The following ARHGAP39 variants were observed in gnomAD, a reference collection of about 807,000 sequenced individuals.
ARHGAP39 encodes rho GTPase-activating protein 39.
A neutral mutation model predicts 106.9 loss-of-function variants in ARHGAP39; 44 were observed. The observed-to-expected ratio is 0.41, with a 90% CI of 0.32 to 0.53. ARHGAP39 has a LOEUF of 0.53. Among genes scored for constraint, ARHGAP39 ranks in the 20% least tolerant of loss-of-function variants. ARHGAP39 has a pLI of 0.21. For synonymous variants in ARHGAP39, 768 were observed against 693.2 expected (o/e 1.11, Z -1.69); for missense variants, 1,496 against 1,577.3 (o/e 0.95, Z 0.87).
intron 3 of ARHGAP39, among the ~76,000 whole-genome samples, chr8:144,567,120 T>C (rs1230207950): frequency 6.6e-6 from 1 of 152,184 alleles, no homozygotes; most frequent in Non-Finnish European, 1.5e-5. Context: ...TGTTCCAGTA[T>C]GATAAAATAT....
chr8:144,577,770 C>T (rs1302127556), intron 3 of ARHGAP39, among the ~76,000 whole-genome samples: 1 of 152,148 alleles, frequency 6.6e-6, no homozygotes, highest in African/African-American at 2.4e-5. Context: ...ATTCCACTTA[C>T]AACAGCATCA....
rs755843724 is a variant in ARHGAP39 at position 144,547,874 on chromosome 8, C to T, written c.1212G>A (p.Ala404=). 1.3e-6 allele frequency: 2 copies of T among 1,584,810 alleles called. No individual in the cohort carries two copies. The highest frequency in any genetic ancestry group is 1.1e-5 in the South Asian group (1 of 87,940). ...YVRQLVYVEQ[A]GSSPKLRAGP... is the part of the protein sequence containing the mutation. ...CGGCGCGCAGCTTGGGGCTGGAGCC[C>T]GCCTGCTCCACGTAGACCAGCTGCC... Residue 404 remains alanine, a synonymous_variant, in exon 5 of 12, where the codon GCG becomes GCA. Coordinates refer to ENST00000377307, the MANE Select transcript of ARHGAP39 (RefSeq NM_025251.3). This position sits in a 1 kb window ranked among gnomAD's most constrained non-coding sequence, Gnocchi z 5.2.
intron 1 of ARHGAP39, among the ~76,000 whole-genome samples, chr8:144,662,746 A>T (rs1216602751): frequency 1.7e-5 from 2 of 120,612 alleles, no homozygotes; most frequent in Middle Eastern, 7.2e-3. Flanking sequence ...CACCTTGGCC[A>T]GCTCCCTCCT....
intron 2 of ARHGAP39, among the ~76,000 whole-genome samples, chr8:144,589,037 C>T (rs1819289967): frequency 6.6e-6 from 1 of 152,158 alleles, no homozygotes; most frequent in South Asian, 2.1e-4. Context: ...AGGTGCAAAC[C>T]CAAGCGTCTG....
intron 1 of ARHGAP39, among the ~76,000 whole-genome samples, chr8:144,677,611 T>C (rs760423576): frequency 5.3e-5 from 8 of 152,132 alleles, no homozygotes; most frequent in Non-Finnish European, 1.2e-4. Context: ...GAAAATGTAC[T>C]GATATGGAAA....
At chr8:144,627,529 T>G (rs1485849954) in intron 1 of ARHGAP39, among the ~76,000 whole-genome samples, 102 of 122,616 alleles carry the variant, frequency 8.3e-4, no homozygotes, top group Middle Eastern at 6.5e-3. Context: ...CACTCCAGCC[T>G]GGGAGACAGA....
intron 1 of ARHGAP39, among the ~76,000 whole-genome samples, chr8:144,649,318 C>T (rs1334479652): frequency 5.3e-5 from 8 of 152,058 alleles, no homozygotes; most frequent in South Asian, 4.1e-4. Context: ...GGTGTGGTGG[C>T]GGGCGCCTGT....
chr8:144,549,025 C>G (rs1248939547), intron 4 of ARHGAP39, among the ~76,000 whole-genome samples: 1 of 152,230 alleles, frequency 6.6e-6, no homozygotes, highest in Non-Finnish European at 1.5e-5. Flanking sequence ...ACGCTCACTC[C>G]AACAGCTGCA....
chr8:144,576,709 T>C (rs952413576), intron 3 of ARHGAP39, among the ~76,000 whole-genome samples: 1 of 152,232 alleles, frequency 6.6e-6, no homozygotes, highest in African/African-American at 2.4e-5. Context: ...AAGCCGTCCA[T>C]TCTGTTCAGT....
At chr8:144,535,621 G>A (rs1816924155) in intron 7 of ARHGAP39, among the ~76,000 whole-genome samples, 1 of 152,236 alleles carries the variant, frequency 6.6e-6, no homozygotes, top group Non-Finnish European at 1.5e-5. Flanking sequence ...GGGGGGCCTG[G>A]GGCAGACGGC....
At chr8:144,601,187 C>T (rs562602454) in intron 2 of ARHGAP39, among the ~76,000 whole-genome samples, 1 of 133,152 alleles carries the variant, frequency 7.5e-6, no homozygotes, top group East Asian at 2.4e-4. Context: ...CGTGCAAGCT[C>T]GTGTACCTGT....
At chr8:144,659,080 A>G (rs1821763958) in intron 1 of ARHGAP39, among the ~76,000 whole-genome samples, 1 of 152,160 alleles carries the variant, frequency 6.6e-6, no homozygotes, top group Non-Finnish European at 1.5e-5. Flanking sequence ...CTCACTCCAC[A>G]GGTGCTAATC....
At chr8:144,561,628 CCCAGTGGTTTCCATCGCGCT>C (rs1190258425) in intron 3 of ARHGAP39, among the ~76,000 whole-genome samples, 1,096 of 57,026 alleles carry the variant, frequency 0.019, 25 homozygotes, top group African/African-American at 0.063. Context: ...TCCATCGGAC[CCCAGTGGTTTCCATCGCGCT>C]CCAGTGGTTT....
At chr8:144,577,352 A>C (rs1586571564) in intron 3 of ARHGAP39, among the ~76,000 whole-genome samples, 1 of 152,226 alleles carries the variant, frequency 6.6e-6, no homozygotes, top group African/African-American at 2.4e-5. Flanking sequence ...CCACGTGATC[A>C]TCTTAACTGA....
At chr8:144,576,136 C>T (rs1012214280) in intron 3 of ARHGAP39, among the ~76,000 whole-genome samples, 4 of 151,938 alleles carry the variant, frequency 2.6e-5, no homozygotes, top group African/African-American at 9.7e-5. Context: ...TCGAGACCAG[C>T]CCAGCCACCA....
At position 144,537,889 on chromosome 8, in the gene ARHGAP39, G is replaced by A. The variant is rs1817028493; in HGVS notation, c.2522-76C>T. 8 of 1,372,928 alleles carry A rather than the reference G, an allele frequency of 5.8e-6. No homozygotes were observed. In the South Asian group the frequency reaches 9.4e-5, roughly 16 times the overall value. The allele number at this position is 1,372,928 out of a possible 1,614,324, so 85.0% of individuals were successfully genotyped here. A position where few individuals can be genotyped will look rare whatever the true frequency, so the allele number is the denominator to read the frequency against. The stretch of plus-strand genomic sequence containing the variant: ...AGCGCCCACTCAGCTCCCGCACTTG[G>A]CTGGTGAGCAGGCCCCTGGGCCTGT... On this transcript the variant is annotated intron_variant, in intron 6 of 11. Coordinates refer to ENST00000377307, the MANE Select transcript of ARHGAP39 (RefSeq NM_025251.3).
At chr8:144,574,393 G>A (rs1481238035) in intron 3 of ARHGAP39, among the ~76,000 whole-genome samples, 3 of 152,098 alleles carry the variant, frequency 2.0e-5, no homozygotes, top group African/African-American at 4.8e-5. Context: ...AAATTAGGCT[G>A]GGTGTGGTGG....
At chr8:144,531,292 A>T (rs1475359387) in intron 10 of ARHGAP39, among the ~76,000 whole-genome samples, 6 of 9,278 alleles carry the variant, frequency 6.5e-4, no homozygotes, top group Middle Eastern at 0.071. Flanking sequence ...CAGGCACGGC[A>T]GAAGGGCACA....
At position 144,604,078 on chromosome 8, in the gene ARHGAP39, G is replaced by C. The variant is rs760707465; in HGVS notation, c.80+1457C>G. On this transcript the variant is annotated intron_variant, in intron 2 of 11. Transcript: ENST00000377307. The surrounding 1 kb of genome is among the most constrained non-coding windows in gnomAD (Gnocchi z 4.1). ...ACAGCAGGACTCCTGCTCAGGTCAA[G>C]GCAGAGTGCGGATCGCAACTGTGGA... Among the ~76,000 whole-genome samples, 1 of 152,250 alleles carries C rather than the reference G, an allele frequency of 6.6e-6. No homozygotes were observed. The highest frequency in any genetic ancestry group is 6.5e-5 in the Admixed American group (1 of 15,290).
Sources: allele counts gnomAD v4.1 joint callset (sites outside exome capture counted in the v4.1 genomes callset), GRCh38; gene constraint gnomAD v4.1.1; non-coding constraint Gnocchi (gnomAD v3.1); transcripts MANE v1.5; gene names NCBI Gene and HGNC (gene_info 2026-07-23, HGNC 2026-07-21).